The following DEGS1 variants were observed in gnomAD, a reference collection of about 807,000 sequenced individuals.
DEGS1 encodes the protein sphingolipid delta(4)-desaturase DES1.
A neutral mutation model predicts 24.1 loss-of-function variants in DEGS1; 17 were observed. The observed-to-expected ratio is 0.70, with a 90% CI of 0.48 to 1.06. DEGS1 has a LOEUF of 1.06. DEGS1 is among the 50% of genes least tolerant of loss of function. The pLI, the probability that DEGS1 is intolerant of heterozygous loss-of-function variation, is 0.00. For synonymous variants in DEGS1, 134 were observed against 140.0 expected (o/e 0.96, Z 0.30); for missense variants, 366 against 408.9 (o/e 0.90, Z 0.91).
Position 224,192,517 on chromosome 1 carries a change from A to G in DEGS1, c.*39A>G. ...CAAAGGGATTCTTCTCCAAAACTTT[A>G]GATGATAAAATGGAATTTTTGCATT... On this transcript the variant is annotated 3_prime_UTR_variant, in exon 3 of 3. Transcript: ENST00000323699. 1 of 1,583,902 alleles carries G rather than the reference A, an allele frequency of 6.3e-7. No homozygotes were observed. The highest frequency in any genetic ancestry group is 8.6e-7 in the Non-Finnish European group (1 of 1,168,436).
chr1:224,185,044 C>T (rs1658344935), intron 1 of DEGS1, among the ~76,000 whole-genome samples: 1 of 151,478 alleles, frequency 6.6e-6, no homozygotes, highest in Middle Eastern at 3.2e-3. Flanking sequence ...TGAACATGAG[C>T]AATTATTCCT....
chr1:224,186,727 A>G (rs1350334756), intron 1 of DEGS1, among the ~76,000 whole-genome samples: 1 of 151,756 alleles, frequency 6.6e-6, no homozygotes, highest in East Asian at 1.9e-4. Context: ...AAAAAAAAAA[A>G]AAAAAAAGAA....
At chr1:224,186,653 C>G (rs1658401227) in intron 1 of DEGS1, among the ~76,000 whole-genome samples, 1 of 142,738 alleles carries the variant, frequency 7.0e-6, no homozygotes, top group African/African-American at 2.6e-5. Flanking sequence ...GCAGAGCTTG[C>G]AGTGAGCTGA....
In DEGS1 at chr1:224,190,103, T is replaced by A. The variant is rs781214131; in HGVS notation, c.609T>A (p.Phe203Leu). ...QVTFDILIYY[F>L]LGIKSLVYML... is the part of the protein sequence containing the mutation. ...CTTTTGACATTTTAATTTATTACTT[T>A]TTGGGAATTAAATCCTTAGTCTACA... Residue 203 changes from phenylalanine to leucine, a missense_variant, in exon 2 of 3, where the codon TTT becomes TTA. Coordinates refer to ENST00000323699, the MANE Select transcript of DEGS1 (RefSeq NM_003676.4). 6.2e-7 allele frequency: 1 copy of A among 1,613,676 alleles called. No individual in the cohort carries two copies. Among genetic ancestry groups the A allele is most frequent in the Non-Finnish European group, 8.5e-7 (1 of 1,179,896 alleles).
In DEGS1 at chr1:224,190,288, TC is replaced by T; in HGVS notation, c.798del (p.Asn267ThrfsTer10). ...NVGYHNEHHD[F>X]PNIPGKSLPL... is the part of the protein sequence containing the mutation. ...GGTTATCATAATGAACATCATGATTTCCCCAACATTCCTGGAAAAAGTCTTC... is the reference window on the plus strand; with the variant it reads ...GGTTATCATAATGAACATCATGATTTCCCAACATTCCTGGAAAAAGTCTTC... On this transcript the variant is annotated frameshift_variant, in exon 2 of 3. Transcript: ENST00000323699. LOFTEE classifies it high-confidence loss of function. 6.7e-7 allele frequency: 1 copy of T among 1,489,248 alleles called. No individual in the cohort carries two copies. Among genetic ancestry groups the T allele is most frequent in the Non-Finnish European group, 8.9e-7 (1 of 1,121,436 alleles). 92.3% of individuals were successfully genotyped at this position (1,489,248 alleles called of 1,614,324 possible). A position where few individuals can be genotyped will look rare whatever the true frequency, so the allele number is the denominator to read the frequency against.
intron 1 of DEGS1, among the ~76,000 whole-genome samples, chr1:224,184,590 C>G (rs1454829033): frequency 1.3e-5 from 2 of 152,132 alleles, no homozygotes; most frequent in Admixed American, 1.3e-4. Flanking sequence ...CCACTCGCTG[C>G]AACCTCTGCC....
chr1:224,193,288 T>C lies in DEGS1; in HGVS notation c.*810T>C, dbSNP rs947901372. The C allele has an allele frequency of 9.8e-5, 15 of 152,300 alleles. No homozygotes were observed. The East Asian group carries it at 2.7e-3, about 27-fold the overall frequency. The allele number at this position is 152,300 out of a possible 1,614,324, so 9.4% of individuals were successfully genotyped here. ...TTTTTAAAAAGCCTGAGGTATGATA[T>C]AGCATAAAAGATTGAGATGAAAATA... is the stretch of plus-strand genomic sequence containing the variant. On this transcript the variant is annotated 3_prime_UTR_variant, in exon 3 of 3. Coordinates refer to ENST00000323699, the MANE Select transcript of DEGS1 (RefSeq NM_003676.4).
At chr1:224,183,481 C>G in intron 1 of DEGS1, 63 bp downstream of exon 1, 1 of 1,222,196 alleles carries the variant, frequency 8.2e-7, no homozygotes, top group Non-Finnish European at 1.0e-6. Context: ...GGCGCGCTCT[C>G]CCCTCGCGGG....
chr1:224,187,350 G>A (rs781017969), intron 1 of DEGS1, among the ~76,000 whole-genome samples: 4 of 151,870 alleles, frequency 2.6e-5, no homozygotes, highest in Non-Finnish European at 5.9e-5. Flanking sequence ...TTCCTTCACT[G>A]TTATACTTTA....
At position 224,193,338 on chromosome 1, in the gene DEGS1, C is replaced by G. The variant is rs1192897621; in HGVS notation, c.*860C>G. On this transcript the variant is annotated 3_prime_UTR_variant, in exon 3 of 3. Coordinates refer to ENST00000323699, the MANE Select transcript of DEGS1 (RefSeq NM_003676.4). ...ATATTTCCCTGTAAGCTGAATTACT[C>G]ATTTAAAAATTTTAACTTCTATATG... 6.6e-6 allele frequency: 1 copy of G among 152,148 alleles called. No individual in the cohort carries two copies. The highest frequency in any genetic ancestry group is 1.5e-5 in the Non-Finnish European group (1 of 68,026). The allele number at this position is 152,148 out of a possible 1,614,324, so 9.4% of individuals were successfully genotyped here. A position where few individuals can be genotyped will look rare whatever the true frequency, so the allele number is the denominator to read the frequency against.
intron 1 of DEGS1, among the ~76,000 whole-genome samples, chr1:224,184,709 T>C (rs1658332709): frequency 6.6e-6 from 1 of 152,044 alleles, no homozygotes; most frequent in Admixed American, 6.6e-5. Context: ...AGAGACGGGG[T>C]TTCACCATGT....
Position 224,192,520 on chromosome 1 carries a change from T to C in DEGS1, c.*42T>C. Reference sequence around the variant, plus strand: ...AGGGATTCTTCTCCAAAACTTTAGATGATAAAATGGAATTTTTGCATTATT... The same window carrying C: ...AGGGATTCTTCTCCAAAACTTTAGACGATAAAATGGAATTTTTGCATTATT... On this transcript the variant is annotated 3_prime_UTR_variant, in exon 3 of 3. Transcript: ENST00000323699. 3.2e-6 allele frequency: 5 copies of C among 1,581,178 alleles called. No homozygotes were observed. The highest frequency in any genetic ancestry group is 4.3e-6 in the Non-Finnish European group (5 of 1,166,648).
Position 224,192,358 on chromosome 1 carries a change from T to C in DEGS1, c.852T>C (p.Tyr284=), listed in dbSNP as rs757028606. The C allele has an allele frequency of 1.2e-6, 2 of 1,613,382 alleles. No homozygotes were observed. Among genetic ancestry groups the C allele is most frequent in the Non-Finnish European group, 1.7e-6 (2 of 1,179,844 alleles). ...TGAGGAAAATAGCAGCTGAATACTA[T>C]GACAACCTCCCTCACTACAATTCCT... ...PLVRKIAAEY[Y]DNLPHYNSWI... is the part of the protein sequence containing the mutation. The change falls in exon 3 of 3, where the codon TAT becomes TAC. Residue 284 remains tyrosine, a synonymous_variant. Transcript: ENST00000323699.
chr1:224,186,541 A>G (rs775532995), intron 1 of DEGS1, among the ~76,000 whole-genome samples: 11 of 151,898 alleles, frequency 7.2e-5, no homozygotes, highest in Non-Finnish European at 1.3e-4. Flanking sequence ...GTGAAACCCC[A>G]TCTCTACTAA....
In DEGS1 at chr1:224,190,193, T is replaced by C. The variant is rs144040007; in HGVS notation, c.699T>C (p.His233=). The part of the protein sequence containing the change: ...HPISGHFIAE[H]YMFLKGHETY... ...TTTCTGGACATTTTATAGCTGAGCATTACATGTTCTTAAAGGGTCATGAAA... is the reference window on the plus strand; with the variant it reads ...TTTCTGGACATTTTATAGCTGAGCACTACATGTTCTTAAAGGGTCATGAAA... Residue 233 remains histidine (H), a synonymous_variant, in exon 2 of 3, where the codon CAT becomes CAC. Coordinates refer to ENST00000323699, the MANE Select transcript of DEGS1 (RefSeq NM_003676.4). 6.4e-7 allele frequency: 1 copy of C among 1,554,110 alleles called. No individual in the cohort carries two copies. The highest frequency in any genetic ancestry group is 1.3e-5 in the South Asian group (1 of 79,108).
chr1:224,186,712 CAAAAAAA>C (rs34809195), intron 1 of DEGS1, among the ~76,000 whole-genome samples: 3 of 79,874 alleles, frequency 3.8e-5, no homozygotes, highest in South Asian at 4.3e-4. Context: ...GCCTCCGTCT[CAAAAAAA>C]AAAAAAAAAA....
chr1:224,187,160 T>C lies in DEGS1; in HGVS notation c.83-2417T>C, dbSNP rs191949980. On this transcript the variant is annotated intron_variant, in intron 1 of 2. Coordinates refer to ENST00000323699, the MANE Select transcript of DEGS1 (RefSeq NM_003676.4). Reference sequence around the variant, plus strand: ...CCGTCTCTACTAAAAATACAAAAATTAGCTGGGTGTGGTGGTGGGCGCCTG... The same window carrying C: ...CCGTCTCTACTAAAAATACAAAAATCAGCTGGGTGTGGTGGTGGGCGCCTG... Among the ~76,000 whole-genome samples, 225 of 151,770 alleles carry C rather than the reference T, an allele frequency of 1.5e-3. 1 individual carries two copies. In the East Asian group the frequency reaches 0.015, roughly 10 times the overall value.
chr1:224,184,212 A>T (rs1658315665), intron 1 of DEGS1, among the ~76,000 whole-genome samples: 1 of 152,190 alleles, frequency 6.6e-6, no homozygotes, highest in Admixed American at 6.5e-5. Flanking sequence ...CTGACAGCTA[A>T]TTGAGAGGCC....
intron 1 of DEGS1, among the ~76,000 whole-genome samples, chr1:224,186,129 C>G (rs939424905): frequency 2.0e-5 from 3 of 151,906 alleles, no homozygotes; most frequent in African/African-American, 7.3e-5. Flanking sequence ...ATGGCAAAAC[C>G]CCATCTCTAC....
Sources: allele counts gnomAD v4.1 joint callset (sites outside exome capture counted in the v4.1 genomes callset), GRCh38; gene constraint gnomAD v4.1.1; transcripts MANE v1.5; gene names NCBI Gene and HGNC (gene_info 2026-07-23, HGNC 2026-07-21).